ZNF737: variants seen among roughly 807,000 people sequenced by gnomAD.
The protein encoded by ZNF737 is zinc finger protein 102 (Y3).
A neutral mutation model predicts 11.7 loss-of-function variants in ZNF737; 13 were observed. That is an observed-to-expected ratio of 1.11 (90% CI 0.73 to 1.77). The LOEUF (loss-of-function observed/expected upper bound fraction) is 1.77. Ranked by LOEUF, ZNF737 falls within the 40% of genes most tolerant of loss-of-function variation. ZNF737 has a pLI of 0.00. For missense variants in ZNF737, 636 were observed against 638.0 expected (o/e 1.00, Z 0.03); for synonymous variants, 217 against 216.2 (o/e 1.00, Z -0.03).
In ZNF737 at chr19:20,545,492, G is replaced by C. The variant is rs1555756712; in HGVS notation, c.711C>G (p.Ala237=). The C allele has an allele frequency of 6.2e-7, 1 of 1,613,144 alleles. No individual in the cohort carries two copies. Among genetic ancestry groups the C allele is most frequent in the African/African-American group, 1.3e-5 (1 of 74,796 alleles). ...KRYKCEDCGK[A]FSRFSYLTAH... is the part of the protein sequence containing the mutation. The stretch of plus-strand genomic sequence containing the variant: ...CAGTAAGGTATGAAAACCGGCTAAA[G>C]GCTTTGCCACAGTCTTCACATTTGT... Residue 237 remains alanine, a synonymous_variant, in exon 4 of 4, where the codon GCC becomes GCG. Transcript: ENST00000427401.
intron 1 of ZNF737, among the ~76,000 whole-genome samples, chr19:20,562,874 G>A (rs1969151284): frequency 6.6e-6 from 1 of 151,936 alleles, no homozygotes; most frequent in Non-Finnish European, 1.5e-5. Flanking sequence ...TCCCTCCTAA[G>A]AACATGCTGA....
rs3047010 is a variant in ZNF737, at chr19:20,548,962, GA to G, written c.227-2987del. On this transcript the variant is annotated intron_variant, in intron 3 of 3. Transcript: ENST00000427401. ...AAGCAATTTTTTTTAAAGAAAAACT[GA>G]AAAAAAAAAAAAAAAAACAATTATG... Among the ~76,000 whole-genome samples, 513 of 86,440 alleles carry G rather than the reference GA, an allele frequency of 5.9e-3. 10 individuals are homozygous for G. The highest frequency in any genetic ancestry group is 0.031 in the Admixed American group (213 of 6,890). The allele number at this position is 86,440 out of a possible 152,430, so 56.7% of individuals were successfully genotyped here.
At chr19:20,533,073 G>A (rs376595673), downstream of ZNF737, among the ~76,000 whole-genome samples, 12 of 150,086 alleles carry the variant, frequency 8.0e-5, no homozygotes, top group East Asian at 1.8e-3. Flanking sequence ...TTGGACTGGG[G>A]CTGGTTCATC....
rs1187162222 is a variant in ZNF737 at position 20,542,876 on chromosome 19, G to C, written c.*1716C>G. The C allele has an allele frequency of 4.1e-6, 4 of 984,942 alleles. No individual in the cohort carries two copies. The African/African-American group carries it at 7.0e-5, about 17-fold the overall frequency. The allele number at this position is 984,942 out of a possible 1,614,324, so 61.0% of individuals were successfully genotyped here. A position where few individuals can be genotyped will look rare whatever the true frequency, so the allele number is the denominator to read the frequency against. On this transcript the variant is annotated 3_prime_UTR_variant, in exon 4 of 4. Transcript: ENST00000427401. ...AAAATAACAGCATAATTTGAAAGCT[G>C]TATTACATCATTATTCAGCTTTCAA...
intron 1 of ZNF737, 91 bp from the exon 2 acceptor site, chr19:20,553,926 A>G: frequency 6.7e-7 from 1 of 1,495,596 alleles, no homozygotes; most frequent in South Asian, 1.3e-5. Context: ...GTAAAGACAA[A>G]TGGTTCTGAC....
downstream of ZNF737, among the ~76,000 whole-genome samples, chr19:20,534,453 ATATC>A (rs59237794): frequency 0.14 from 20,325 of 144,612 alleles, 2,469 homozygotes; most frequent in East Asian, 0.39. Flanking sequence ...AAAAGAAAAA[ATATC>A]TATCTATCTA....
rs75325097 is a variant in ZNF737, at chr19:20,543,213, A to G, written c.*1379T>C. The G allele has an allele frequency of 2.0e-6, 2 of 985,086 alleles. No homozygotes were observed. The highest frequency in any genetic ancestry group is 2.4e-6 in the Non-Finnish European group (2 of 829,736). The allele number at this position is 985,086 out of a possible 1,614,324, so 61.0% of individuals were successfully genotyped here. A position where few individuals can be genotyped will look rare whatever the true frequency, so the allele number is the denominator to read the frequency against. On this transcript the variant is annotated 3_prime_UTR_variant, in exon 4 of 4. Transcript: ENST00000427401. ...AAGCTGTAGTTTCTGGGGAAAAAAA[A>G]GTGTTTCTAAACTTAATACATTTGT... is the stretch of plus-strand genomic sequence containing the variant.
At chr19:20,552,419 G>T in intron 3 of ZNF737, 56 bp downstream of exon 3, 3 of 1,298,122 alleles carry the variant, frequency 2.3e-6, no homozygotes, top group Non-Finnish European at 2.1e-6. Context: ...CTTTCTCTTT[G>T]ACTTTGGGAC....
At position 20,565,627 on chromosome 19, in the gene ZNF737, G is replaced by A. The variant is rs782249084; in HGVS notation, c.3+11C>T. On this transcript the variant is annotated intron_variant, in intron 1 of 3. Coordinates refer to ENST00000427401, the MANE Select transcript of ZNF737 (RefSeq NM_001159293.2). ...TCCCCCTCTCTCGGGATGTCGGACC[G>A]GCACTCTCACCATTTCTAGGCTTCC... 2.5e-6 allele frequency: 4 copies of A among 1,614,142 alleles called. No individual in the cohort carries two copies. The highest frequency in any genetic ancestry group is 2.5e-6 in the Non-Finnish European group (3 of 1,180,022).
chr19:20,551,298 G>A (rs1210979988), intron 3 of ZNF737: 1 of 151,804 alleles, frequency 6.6e-6, no homozygotes, highest in Non-Finnish European at 1.5e-5. Context: ...GTGTTGTGGT[G>A]AGCACCAGTA....
At chr19:20,549,315 C>T (rs538221142) in intron 3 of ZNF737, among the ~76,000 whole-genome samples, 158 of 152,140 alleles carry the variant, frequency 1.0e-3, no homozygotes, top group African/African-American at 3.5e-3. Context: ...AACCAAAACA[C>T]CCAATAAACT....
At chr19:20,530,613 T>G in the ZNF737 span, among the ~76,000 whole-genome samples, 27,594 of 144,176 alleles carry the variant, frequency 0.19, 4,421 homozygotes, top group African/African-American at 0.36. Flanking sequence ...GCCGAGGTGC[T>G]CCTCACATCC....
chr19:20,558,829 G>T (rs1207477699), intron 1 of ZNF737, among the ~76,000 whole-genome samples: 2 of 152,212 alleles, frequency 1.3e-5, no homozygotes, highest in African/African-American at 4.8e-5. Flanking sequence ...AGCCAGGCTA[G>T]AGAGACTCAG....
At chr19:20,560,937 T>A (rs1419520868) in intron 1 of ZNF737, among the ~76,000 whole-genome samples, 1 of 152,096 alleles carries the variant, frequency 6.6e-6, no homozygotes, top group Middle Eastern at 3.2e-3. Flanking sequence ...GGTGGAAGAC[T>A]AAGAGAATCA....
At chr19:20,565,492 G>T (rs1294417754) in intron 1 of ZNF737, 146 bp downstream of exon 1, 1 of 1,405,730 alleles carries the variant, frequency 7.1e-7, no homozygotes, top group Non-Finnish European at 1.0e-6. Context: ...ATGGCTGAAC[G>T]GGACTGAGGC....
At position 20,539,146 on chromosome 19, in the gene ZNF737, C is replaced by T. The variant is rs1296867323; in HGVS notation, c.*5446G>A. 3.4e-5 allele frequency: 17 copies of T among 495,072 alleles called. No individual in the cohort carries two copies. Among genetic ancestry groups the T allele is most frequent in the East Asian group, 1.6e-4 (1 of 6,336 alleles). The allele number at this position is 495,072 out of a possible 1,614,324, so 30.7% of individuals were successfully genotyped here. Reference sequence around the variant, plus strand: ...TCCCATCTCTACTACAAAAATTATCCGGGCATAATGGCGGGTGCCTGTTAT... The same window carrying T: ...TCCCATCTCTACTACAAAAATTATCTGGGCATAATGGCGGGTGCCTGTTAT... On this transcript the variant is annotated 3_prime_UTR_variant, in exon 4 of 4. Coordinates refer to ENST00000427401, the MANE Select transcript of ZNF737 (RefSeq NM_001159293.2).
rs1555759627 is a variant in ZNF737 at position 20,553,848 on chromosome 19, C to G, written c.4-13G>C. 1.2e-6 allele frequency: 2 copies of G among 1,610,444 alleles called. No individual in the cohort carries two copies. The highest frequency in any genetic ancestry group is 2.2e-5 in the South Asian group (2 of 90,204). On this transcript the variant is annotated splice_polypyrimidine_tract_variant and intron_variant, in intron 1 of 3. Transcript: ENST00000427401. ...ATTGCAATGGCCCCTGAAACACACA[C>G]ACAACATACGTTTTTACCAAGTAGC...
In ZNF737 at chr19:20,543,793, A is replaced by T. The variant is rs989093262; in HGVS notation, c.*799T>A. On this transcript the variant is annotated 3_prime_UTR_variant, in exon 4 of 4. Coordinates refer to ENST00000427401, the MANE Select transcript of ZNF737 (RefSeq NM_001159293.2). ...AATGTCACATTTTTTAGCTTTGCGG[A>T]TTTCCTCTTCAACATGAATTATTGC... 2.0e-6 allele frequency: 2 copies of T among 985,376 alleles called. No homozygotes were observed. The highest frequency in any genetic ancestry group is 2.4e-6 in the Non-Finnish European group (2 of 829,928). 61.0% of individuals were successfully genotyped at this position (985,376 alleles called of 1,614,324 possible). A position where few individuals can be genotyped will look rare whatever the true frequency, so the allele number is the denominator to read the frequency against.
At chr19:20,557,138 T>C (rs1187239960) in intron 1 of ZNF737, among the ~76,000 whole-genome samples, 2 of 152,220 alleles carry the variant, frequency 1.3e-5, no homozygotes, top group African/African-American at 2.4e-5. Context: ...TCTGCAGGAA[T>C]AGAAAACAAG....
Sources: gnomAD v4.1 joint callset for allele counts (sites outside exome capture counted in the v4.1 genomes callset) on GRCh38, gnomAD v4.1.1 for gene constraint, MANE v1.5 for transcripts, NCBI Gene and HGNC (gene_info 2026-07-23, HGNC 2026-07-21) for gene names.